The following MANSC1 variants were observed in gnomAD, a reference collection of about 807,000 sequenced individuals.
MANSC1 encodes MANSC domain containing 1, also known as MANSC domain-containing protein 1.
MANSC1 carries 13 observed loss-of-function variants against 14.1 expected under a neutral mutation model. The ratio of observed to expected loss-of-function variants is 0.92; its 90% CI spans 0.60 to 1.46. The LOEUF (loss-of-function observed/expected upper bound fraction) is 1.46. Ranked by LOEUF, MANSC1 falls within the 40% of genes most tolerant of loss-of-function variation. The probability of loss-of-function intolerance (pLI) is 0.00; values close to 1 mark genes in which losing one functional copy is unlikely to be tolerated. For missense variants in MANSC1, 486 were observed against 511.4 expected (o/e 0.95, Z 0.48); for synonymous variants, 227 against 200.7 (o/e 1.13, Z -1.11).
chr12:12,340,096 G>C lies in MANSC1; in HGVS notation c.224-1536C>G, dbSNP rs904320802. ...CAAAGTACTGGGATTACAGGCATGAGCTAATGCACCCAGCTGCTGGCTTCT... is the reference window on the plus strand; with the variant it reads ...CAAAGTACTGGGATTACAGGCATGACCTAATGCACCCAGCTGCTGGCTTCT... On this transcript the variant is annotated intron_variant, in intron 2 of 3. Coordinates refer to ENST00000535902, the MANE Select transcript of MANSC1 (RefSeq NM_018050.4). Among the ~76,000 whole-genome samples the C allele has an allele frequency of 5.3e-5, 8 of 152,180 alleles. 1 individual carries two copies. Among genetic ancestry groups the C allele is most frequent in the African/African-American group, 1.9e-4 (8 of 41,444 alleles).
At chr12:12,332,019 C>T (rs369298339) in intron 3 of MANSC1, among the ~76,000 whole-genome samples, 13 of 152,168 alleles carry the variant, frequency 8.5e-5, no homozygotes, top group Admixed American at 4.6e-4. Flanking sequence ...CCAGATCCTG[C>T]TCCTGCTCCA....
chr12:12,345,121 A>G (rs1862994134), intron 1 of MANSC1, among the ~76,000 whole-genome samples: 1 of 149,314 alleles, frequency 6.7e-6, no homozygotes, highest in Admixed American at 6.7e-5. Context: ...GGAGTTCGAC[A>G]CCAGCCTGGC....
chr12:12,340,000 C>T (rs1192818431), intron 2 of MANSC1, among the ~76,000 whole-genome samples: 11 of 151,978 alleles, frequency 7.2e-5, no homozygotes, highest in East Asian at 3.9e-4. Flanking sequence ...TTTGTAGAGG[C>T]GGGGTCTCAC....
rs1451670037 is a variant in MANSC1 at position 12,343,275 on chromosome 12, C to G, written c.40G>C (p.Val14Leu). 1 of 1,613,884 alleles carries G rather than the reference C, an allele frequency of 6.2e-7. No individual in the cohort carries two copies. The highest frequency in any genetic ancestry group is 8.5e-7 in the Non-Finnish European group (1 of 1,179,966). ...CTTAGTGTCAGGAAGCAAATTATTA[C>G]CAAAGTGTAAGTCAAGCTCCCTTCT... ...GGEGSLTYTL[V>L]IICFLTLRLS... Residue 14 changes from valine (V) to leucine (L), a missense_variant, in exon 2 of 4, where the codon GTA becomes CTA. By Grantham distance (32) the Val-to-Leu change is conservative. Coordinates refer to ENST00000535902, the MANE Select transcript of MANSC1 (RefSeq NM_018050.4).
At chr12:12,342,166 C>T (rs371574422) in intron 2 of MANSC1, among the ~76,000 whole-genome samples, 2 of 152,350 alleles carry the variant, frequency 1.3e-5, no homozygotes, top group African/African-American at 4.8e-5. Context: ...TGCTCTCAAA[C>T]TCCTGGGCTC....
chr12:12,333,059 A>ATATATATATTTTTTT (rs536426090), intron 3 of MANSC1, among the ~76,000 whole-genome samples: 1 of 150,808 alleles, frequency 6.6e-6, no homozygotes, highest in African/African-American at 2.4e-5. Flanking sequence ...ATATATATAT[A>ATATATATATTTTTTT]TTTTTGAGAC....
chr12:12,336,181 C>G (rs948756765), intron 3 of MANSC1, among the ~76,000 whole-genome samples: 1 of 152,148 alleles, frequency 6.6e-6, no homozygotes, highest in Non-Finnish European at 1.5e-5. Flanking sequence ...CTATGACTTA[C>G]AAGGTGTTAT....
intron 2 of MANSC1, among the ~76,000 whole-genome samples, chr12:12,339,953 C>G (rs1265940052): frequency 5.3e-5 from 8 of 152,122 alleles, no homozygotes; most frequent in Admixed American, 3.3e-4. Context: ...GCTGGGACTT[C>G]AAGCGTGCAC....
intron 3 of MANSC1, among the ~76,000 whole-genome samples, chr12:12,336,117 A>C (rs1862856275): frequency 6.6e-6 from 1 of 152,152 alleles, no homozygotes; most frequent in Non-Finnish European, 1.5e-5. Context: ...CACCCTGGGC[A>C]ACAGAGTGAG....
At chr12:12,341,085 A>G (rs1043221204) in intron 2 of MANSC1, among the ~76,000 whole-genome samples, 2 of 152,102 alleles carry the variant, frequency 1.3e-5, no homozygotes, top group African/African-American at 4.8e-5. Flanking sequence ...GCTCGGTATC[A>G]CAAGACTGCC....
intron 2 of MANSC1, chr12:12,338,890 AAC>A (rs56183211): frequency 6.0e-3 from 1,145 of 192,416 alleles, no homozygotes; most frequent in South Asian, 0.012. Flanking sequence ...CACACACACA[AAC>A]ACACACACAC....
intron 2 of MANSC1, chr12:12,338,915 A>ACACACACACC: frequency 3.6e-6 from 1 of 278,334 alleles, no homozygotes; most frequent in Non-Finnish European, 6.9e-6. Flanking sequence ...ACACACACAC[A>ACACACACACC]CACCCCTAAG....
chr12:12,332,332 G>A (rs111289478), intron 3 of MANSC1, among the ~76,000 whole-genome samples: 2 of 152,220 alleles, frequency 1.3e-5, no homozygotes, highest in African/African-American at 2.4e-5. Context: ...TCCAGAGGCA[G>A]CTACGGATTC....
rs1193745163 is a variant in MANSC1, at chr12:12,330,790, G to A, written c.533C>T (p.Ser178Phe). The A allele has an allele frequency of 2.5e-6, 4 of 1,614,006 alleles. No individual in the cohort carries two copies. The highest frequency in any genetic ancestry group is 2.2e-5 in the East Asian group (1 of 44,890). The part of the protein sequence containing the change: ...WRDTLSQKFG[S>F]SDHLEKLFKM... ...AAATAGTTTCTCCAAGTGATCTGAG[G>A]ATCCAAACTTCTGAGAAAGTGTGTC... is the stretch of plus-strand genomic sequence containing the variant. The change falls in exon 4 of 4, where the codon TCC becomes TTC. Residue 178 changes from serine (S) to phenylalanine (F), a missense_variant. Transcript: ENST00000535902.
At chr12:12,336,716 T>G (rs1470358140) in intron 3 of MANSC1, among the ~76,000 whole-genome samples, 3 of 152,010 alleles carry the variant, frequency 2.0e-5, no homozygotes, top group Admixed American at 2.0e-4. Context: ...TTTGTGGATA[T>G]GAGGTCTCAT....
In MANSC1 at chr12:12,330,651, A is replaced by G. The variant is rs755311679; in HGVS notation, c.672T>C (p.Ser224=). The G allele has an allele frequency of 2.0e-5, 33 of 1,614,006 alleles. 1 individual carries two copies. The East Asian group carries it at 5.8e-4, about 28-fold the overall frequency. Residue 224 remains serine, a synonymous_variant, in exon 4 of 4, where the codon AGT becomes AGC. Coordinates refer to ENST00000535902, the MANE Select transcript of MANSC1 (RefSeq NM_018050.4). ...EIAHLLPENV[S]ALPATVAVAS... is the part of the protein sequence containing the mutation. ...CAACTGCCACCGTAGCTGGGAGCGC[A>G]CTCACATTTTCAGGCAGCAGATGAG...
intron 2 of MANSC1, chr12:12,338,805 T>C: frequency 1.8e-6 from 1 of 554,448 alleles, no homozygotes; most frequent in Non-Finnish European, 3.2e-6. Context: ...AGGAAGCTCC[T>C]GTCCCTCCTA....
At chr12:12,342,318 C>G (rs1474883717) in intron 2 of MANSC1, among the ~76,000 whole-genome samples, 1 of 152,206 alleles carries the variant, frequency 6.6e-6, no homozygotes. Flanking sequence ...TGGCAACTAA[C>G]AAAGTGTTAA....
Position 12,334,078 on chromosome 12 carries a change from C to A in MANSC1, c.365-3120G>T, listed in dbSNP as rs180920134. Among the ~76,000 whole-genome samples, 210 of 151,892 alleles carry A rather than the reference C, an allele frequency of 1.4e-3. 2 individuals are homozygous for A. In the East Asian group the frequency reaches 0.032, roughly 23 times the overall value. On this transcript the variant is annotated intron_variant, in intron 3 of 3. Coordinates refer to ENST00000535902, the MANE Select transcript of MANSC1 (RefSeq NM_018050.4). ...AGCCTGGGCAACATACTGAGACCCC[C>A]CCATTGCTACAAAACATTTTAAAAA...
Sources: allele counts gnomAD v4.1 joint callset (sites outside exome capture counted in the v4.1 genomes callset), GRCh38; gene constraint gnomAD v4.1.1; transcripts MANE v1.5; gene names NCBI Gene and HGNC (gene_info 2026-07-23, HGNC 2026-07-21).